CIMAP1D: variants seen among roughly 807,000 people sequenced by gnomAD.
CIMAP1D encodes CIMAP1 family member D.
At chr19:484,771 C>T in the CIMAP1D span, among the ~76,000 whole-genome samples, 41 of 151,814 alleles carry the variant, frequency 2.7e-4, no homozygotes, top group Non-Finnish European at 3.1e-4. Flanking sequence ...GGAGGGAGGG[C>T]GGGGCTGACC....
chr19:483,374 G>A, the CIMAP1D span, among the ~76,000 whole-genome samples: 3 of 151,832 alleles, frequency 2.0e-5, no homozygotes, highest in East Asian at 1.9e-4. Context: ...CCCTACAGAC[G>A]CCCATCCTGG....
At chr19:464,232 G>A in the CIMAP1D span, 2 of 1,525,040 alleles carry the variant, frequency 1.3e-6, no homozygotes. Flanking sequence ...GTAGGCATTA[G>A]GGGCAGGGGC....
the CIMAP1D span, among the ~76,000 whole-genome samples, chr19:476,209 T>C: frequency 4.1e-4 from 62 of 151,888 alleles, no homozygotes; most frequent in African/African-American, 1.3e-3. Context: ...CACTCCACCA[T>C]GTCCAGCTAA....
the CIMAP1D span, among the ~76,000 whole-genome samples, chr19:464,550 A>C: frequency 6.6e-6 from 1 of 152,082 alleles, no homozygotes; most frequent in African/African-American, 2.4e-5. Context: ...ACTTTGCCCA[A>C]GCTGGACCCA....
chr19:467,110 T>C, the CIMAP1D span, among the ~76,000 whole-genome samples: 1 of 73,696 alleles, frequency 1.4e-5, no homozygotes, highest in Non-Finnish European at 2.5e-5. Context: ...GATAGATAGT[T>C]GGGTGGAGGG....
chr19:488,721 A>AC, the CIMAP1D span, among the ~76,000 whole-genome samples: 9 of 151,628 alleles, frequency 5.9e-5, no homozygotes, highest in Non-Finnish European at 1.0e-4. Context: ...TGCGGCCCCG[A>AC]CCCCCGCAGC....
chr19:480,556 G>A, the CIMAP1D span, among the ~76,000 whole-genome samples: 2,602 of 98,710 alleles, frequency 0.026, 80 homozygotes, highest in African/African-American at 0.069. Flanking sequence ...GGATGATGGA[G>A]AACGATGATG....
chr19:465,985 G>A, the CIMAP1D span, among the ~76,000 whole-genome samples: 158 of 149,240 alleles, frequency 1.1e-3, no homozygotes, highest in African/African-American at 3.6e-3. Context: ...ATTGATGGAT[G>A]GATAGATGGT....
At chr19:472,744 G>A in the CIMAP1D span, 2 of 512,530 alleles carry the variant, frequency 3.9e-6, no homozygotes, top group Non-Finnish European at 6.9e-6. Context: ...GCACAGACAG[G>A]GAGACTGGGG....
chr19:486,235 G>A, the CIMAP1D span, among the ~76,000 whole-genome samples: 2 of 152,132 alleles, frequency 1.3e-5, no homozygotes, highest in African/African-American at 2.4e-5. Flanking sequence ...GTCCTAGTGG[G>A]CTCTGCTGTA....
chr19:472,507 GC>G, the CIMAP1D span: 18 of 1,536,478 alleles, frequency 1.2e-5, no homozygotes, highest in South Asian at 1.8e-4. Context: ...CGAGCCTGCA[GC>G]CCAAAGCCCT....
chr19:472,970 GCAGAGA>G, the CIMAP1D span, among the ~76,000 whole-genome samples: 1 of 122,274 alleles, frequency 8.2e-6, no homozygotes, highest in Admixed American at 9.1e-5. Flanking sequence ...TGAGGCCCAG[GCAGAGA>G]TACATGGTCA....
At chr19:490,754 G>C in the CIMAP1D span, among the ~76,000 whole-genome samples, 2 of 152,070 alleles carry the variant, frequency 1.3e-5, no homozygotes, top group Admixed American at 1.3e-4. Context: ...ACTTGAGGTG[G>C]GGAGTTCAAG....
At chr19:478,141 GGA>G in the CIMAP1D span, among the ~76,000 whole-genome samples, 1 of 152,212 alleles carries the variant, frequency 6.6e-6, no homozygotes, top group Non-Finnish European at 1.5e-5. Flanking sequence ...TGCCGAGGAG[GGA>G]GAGAGGAGGA....
the CIMAP1D span, among the ~76,000 whole-genome samples, chr19:491,558 C>A: frequency 6.6e-6 from 1 of 151,982 alleles, no homozygotes; most frequent in African/African-American, 2.4e-5. Flanking sequence ...GAGATGCCCC[C>A]GGGAGCACCA....
chr19:478,724 C>A, the CIMAP1D span, among the ~76,000 whole-genome samples: 2 of 152,396 alleles, frequency 1.3e-5, no homozygotes, highest in East Asian at 1.9e-4. Context: ...GAGGCTGGAC[C>A]GGATGAGAGG....
chr19:469,676 G>C, the CIMAP1D span, among the ~76,000 whole-genome samples: 3 of 152,018 alleles, frequency 2.0e-5, no homozygotes, highest in African/African-American at 7.2e-5. Flanking sequence ...GGGCGATAGT[G>C]TGAGACTCAG....
At chr19:467,388 C>T in the CIMAP1D span, among the ~76,000 whole-genome samples, 6 of 152,000 alleles carry the variant, frequency 3.9e-5, no homozygotes, top group East Asian at 1.9e-4. Context: ...CCTCTCACCT[C>T]CTGACACCTA....
At chr19:491,574 T>G in the CIMAP1D span, among the ~76,000 whole-genome samples, 1 of 151,646 alleles carries the variant, frequency 6.6e-6, no homozygotes, top group African/African-American at 2.4e-5. Context: ...CACCAAGGCG[T>G]CAGAGCAGCT....
Sources: gnomAD v4.1 joint callset for allele counts (sites outside exome capture counted in the v4.1 genomes callset) on GRCh38, gnomAD v4.1.1 for gene constraint, MANE v1.5 for transcripts, NCBI Gene and HGNC (gene_info 2026-07-23, HGNC 2026-07-21) for gene names.